Variants in IPO5 observed in about 807,000 individuals in gnomAD.
IPO5 encodes the protein importin 5.
IPO5 carries 18 observed loss-of-function variants against 143.3 expected under a neutral mutation model. That is an observed-to-expected ratio of 0.13 (90% confidence interval 0.09 to 0.19). The LOEUF (loss-of-function observed/expected upper bound fraction) is 0.19, where lower values mean the gene tolerates loss of function less well. Among genes scored for constraint, IPO5 ranks in the 10% least tolerant of loss-of-function variants. The pLI, the probability that IPO5 is intolerant of heterozygous loss-of-function variation, is 1.00. For synonymous variants in IPO5, 477 were observed against 465.7 expected, an observed-to-expected ratio of 1.02 and a Z score of -0.31; for missense variants, 1,013 against 1,336.9, an observed-to-expected ratio of 0.76 and a Z score of 3.78.
intron 3 of IPO5, chr13:97,976,117 G>A (rs1886272157): frequency 3.8e-6 from 1 of 263,374 alleles, no homozygotes; most frequent in South Asian, 1.4e-4. Context: ...AGGGGCCGGG[G>A]GTCGCTAGAA....
intron 21 of IPO5, among the ~76,000 whole-genome samples, chr13:98,013,092 T>C (rs762001743): frequency 5.9e-5 from 9 of 152,196 alleles, no homozygotes; most frequent in Non-Finnish European, 1.2e-4. Flanking sequence ...GGTCTCACTC[T>C]GTTGCCCAGG....
chr13:98,015,481 C>T (rs754617750), intron 22 of IPO5, 49 bp from the exon 23 acceptor site: 3 of 1,097,800 alleles, frequency 2.7e-6, no homozygotes, highest in Non-Finnish European at 4.1e-6. Flanking sequence ...ACTTTGGACT[C>T]CAAACACCCC....
chr13:98,006,669 C>T (rs549110356), intron 17 of IPO5, among the ~76,000 whole-genome samples: 22 of 151,862 alleles, frequency 1.4e-4, no homozygotes, highest in African/African-American at 4.3e-4. Flanking sequence ...CCACTGTGCC[C>T]GGCCTGTAAT....
At chr13:98,000,152 G>A (rs929609792) in intron 12 of IPO5, among the ~76,000 whole-genome samples, 2 of 152,226 alleles carry the variant, frequency 1.3e-5, no homozygotes, top group Admixed American at 1.3e-4. Flanking sequence ...AGGCGTGGTG[G>A]CGGGCACCTG....
At chr13:97,979,424 ATC>A (rs1240948014) in intron 4 of IPO5, among the ~76,000 whole-genome samples, 1 of 152,186 alleles carries the variant, frequency 6.6e-6, no homozygotes, top group Admixed American at 6.5e-5. Context: ...ATTTTTAAAA[ATC>A]TGTAAGGATA....
chr13:97,975,014 T>C lies in IPO5; in HGVS notation c.-4-1679T>C, dbSNP rs1406485404. On this transcript the variant is annotated intron_variant, in intron 3 of 28. Coordinates refer to ENST00000651721, the MANE Select transcript of IPO5 (RefSeq NM_002271.6). The stretch of plus-strand genomic sequence containing the variant: ...TTAAAATCATTCACCAAAGAGCAAA[T>C]GTTTTGACTTTCAAAGAGCAGAACT... Among the ~76,000 whole-genome samples the C allele has an allele frequency of 4.8e-4, 73 of 152,070 alleles. 1 individual carries two copies. Among genetic ancestry groups the C allele is most frequent in the Admixed American group, 4.7e-3 (72 of 15,276 alleles).
intron 2 of IPO5, chr13:97,960,349 A>C (rs1014959238): frequency 6.6e-6 from 1 of 152,190 alleles, no homozygotes; most frequent in African/African-American, 2.4e-5. Context: ...TGGTTTAGGA[A>C]TTCTCCGAAG....
At chr13:97,983,510 T>C (rs1347067004) in intron 5 of IPO5, among the ~76,000 whole-genome samples, 1 of 150,988 alleles carries the variant, frequency 6.6e-6, no homozygotes, top group Non-Finnish European at 1.5e-5. Flanking sequence ...TTCCTACTAC[T>C]GATTGAGGCA....
chr13:97,994,575 A>G (rs1888080730), intron 11 of IPO5, among the ~76,000 whole-genome samples: 1 of 152,240 alleles, frequency 6.6e-6, no homozygotes, highest in South Asian at 2.1e-4. Context: ...AGACTAATAG[A>G]AGAACAAATT....
At chr13:97,987,969 C>A in intron 6 of IPO5, 1 of 281,698 alleles carries the variant, frequency 3.5e-6, no homozygotes, top group South Asian at 3.0e-5. Context: ...TTTTAAGCTG[C>A]TATTTTATTT....
At chr13:98,003,485 A>G (rs1208784949) in intron 16 of IPO5, among the ~76,000 whole-genome samples, 1 of 152,194 alleles carries the variant, frequency 6.6e-6, no homozygotes, top group Non-Finnish European at 1.5e-5. Flanking sequence ...AGATAGTAAT[A>G]GTGGAAGAGG....
intron 3 of IPO5, among the ~76,000 whole-genome samples, chr13:97,972,607 C>G (rs1435111219): frequency 6.6e-6 from 1 of 152,130 alleles, no homozygotes; most frequent in Non-Finnish European, 1.5e-5. Flanking sequence ...GAAGTAGTGC[C>G]AAGTCTAATA....
At chr13:98,008,431 C>T (rs750403820) in intron 18 of IPO5, among the ~76,000 whole-genome samples, 3 of 152,122 alleles carry the variant, frequency 2.0e-5, no homozygotes, top group Admixed American at 6.6e-5. Flanking sequence ...ACATGGCTTC[C>T]GGTTTCCTCT....
intron 2 of IPO5, among the ~76,000 whole-genome samples, chr13:97,958,579 G>A (rs2139472464): frequency 6.6e-6 from 1 of 151,780 alleles, no homozygotes; most frequent in African/African-American, 2.4e-5. Flanking sequence ...TTTTTCTTAT[G>A]GAAGGCCCTC....
At chr13:97,956,501 T>C (rs1884473806) in intron 2 of IPO5, among the ~76,000 whole-genome samples, 1 of 152,202 alleles carries the variant, frequency 6.6e-6, no homozygotes, top group South Asian at 2.1e-4. Context: ...GATCTCACCC[T>C]TAGGAAGGTC....
chr13:97,953,814 C>T (rs577745922), intron 1 of IPO5, 98 bp downstream of exon 1: 5 of 415,836 alleles, frequency 1.2e-5, no homozygotes, highest in Admixed American at 1.1e-4. Context: ...AAAGAGTTTC[C>T]CTGTGAGATC....
Position 97,989,179 on chromosome 13 carries a change from C to G in IPO5, c.467+15C>G, listed in dbSNP as rs1408703918. 6.8e-7 allele frequency: 1 copy of G among 1,467,890 alleles called. No individual in the cohort carries two copies. The highest frequency in any genetic ancestry group is 2.3e-5 in the East Asian group (1 of 44,060). 90.9% of individuals were successfully genotyped at this position (1,467,890 alleles called of 1,614,324 possible). On this transcript the variant is annotated intron_variant, in intron 7 of 28. Coordinates refer to ENST00000651721, the MANE Select transcript of IPO5 (RefSeq NM_002271.6). ...CACATTTTCTGGTATATACATTAATCTAGTTTTTTGAGACATTTGATTTAA... is the reference window on the plus strand; with the variant it reads ...CACATTTTCTGGTATATACATTAATGTAGTTTTTTGAGACATTTGATTTAA...
chr13:98,004,800 A>G (rs561898886), intron 16 of IPO5, among the ~76,000 whole-genome samples: 1 of 152,212 alleles, frequency 6.6e-6, no homozygotes, highest in Non-Finnish European at 1.5e-5. Context: ...AACTCTGCTG[A>G]GAGTGTGGGT....
chr13:97,969,859 CT>C, intron 3 of IPO5, 29 bp downstream of exon 3: 1 of 1,568,070 alleles, frequency 6.4e-7, no homozygotes, highest in South Asian at 1.1e-5. Flanking sequence ...GGAAAAGTCA[CT>C]TCCTGTTTTG....
Sources: allele counts gnomAD v4.1 joint callset (sites outside exome capture counted in the v4.1 genomes callset), GRCh38; gene constraint gnomAD v4.1.1; transcripts MANE v1.5; gene names NCBI Gene and HGNC (gene_info 2026-07-23, HGNC 2026-07-21).